The following KPNB1 variants were observed in gnomAD, a reference collection of about 807,000 sequenced individuals.
The protein encoded by KPNB1 is importin subunit beta-1.
Under a neutral mutation model 113.0 loss-of-function variants are expected in KPNB1, and 7 were observed. The ratio of observed to expected loss-of-function variants is 0.06; its 90% CI spans 0.04 to 0.12. The LOEUF is 0.12. Among genes scored for constraint, KPNB1 ranks in the 10% least tolerant of loss-of-function variants. The probability of loss-of-function intolerance (pLI) is 1.00; values close to 1 mark genes in which losing one functional copy is unlikely to be tolerated. For synonymous variants in KPNB1, 363 were observed against 378.6 expected (o/e 0.96, Z 0.48); for missense variants, 400 against 1,054.8 (o/e 0.38, Z 8.60).
Position 47,684,816 on chromosome 17 carries a change from C to T in KPNB1, c.*2412C>T, listed in dbSNP as rs2030895246. ...CTTGGTGCCTTGCAGTTACTCTGCA[C>T]TGGTTATGCATTTAATTCTCCTCTT... On this transcript the variant is annotated 3_prime_UTR_variant, in exon 22 of 22. Coordinates refer to ENST00000290158, the MANE Select transcript of KPNB1 (RefSeq NM_002265.6). 1 of 152,662 alleles carries T rather than the reference C, an allele frequency of 6.6e-6. No individual in the cohort carries two copies. Among genetic ancestry groups the T allele is most frequent in the African/African-American group, 2.4e-5 (1 of 41,428 alleles). The allele number at this position is 152,662 out of a possible 1,614,324, so 9.5% of individuals were successfully genotyped here.
At chr17:47,666,986 C>CTG (rs1271829708) in intron 9 of KPNB1, among the ~76,000 whole-genome samples, 1 of 152,164 alleles carries the variant, frequency 6.6e-6, no homozygotes, top group Non-Finnish European at 1.5e-5. Flanking sequence ...TTTTCTGAAA[C>CTG]TGCATAGGCA....
At chr17:47,677,684 A>G (rs1372240497) in intron 17 of KPNB1, among the ~76,000 whole-genome samples, 2 of 152,198 alleles carry the variant, frequency 1.3e-5, no homozygotes, top group African/African-American at 4.8e-5. Flanking sequence ...TTGACTTATG[A>G]TGGAGTTAGG....
intron 15 of KPNB1, 48 bp from the exon 16 acceptor site, chr17:47,676,359 CTG>C (rs1474764648): frequency 6.0e-6 from 8 of 1,330,128 alleles, no homozygotes; most frequent in South Asian, 1.2e-5. Context: ...CTGCCTGCCT[CTG>C]TGTTAACCCG....
chr17:47,680,887 A>G (rs540787675), intron 21 of KPNB1, among the ~76,000 whole-genome samples: 1 of 152,340 alleles, frequency 6.6e-6, no homozygotes, highest in East Asian at 1.9e-4. Context: ...ACTGGAATTC[A>G]CTGAAATTCC....
At chr17:47,670,604 A>G in intron 11 of KPNB1, 98 bp from the exon 12 acceptor site, 1 of 1,313,794 alleles carries the variant, frequency 7.6e-7, no homozygotes, top group East Asian at 2.4e-5. Context: ...AAAAGTTGGA[A>G]GTTCACTGAC....
chr17:47,676,997 A>G (rs370640483), intron 16 of KPNB1, 23 bp from the exon 17 acceptor site: 1 of 1,593,506 alleles, frequency 6.3e-7, no homozygotes, highest in East Asian at 2.2e-5. Context: ...CTGTTAGAAG[A>G]TTATTTCCTT....
intron 2 of KPNB1, 98 bp from the exon 3 acceptor site, chr17:47,652,596 C>A (rs1915611567): frequency 3.3e-6 from 3 of 908,948 alleles, no homozygotes; most frequent in Non-Finnish European, 4.7e-6. Context: ...TAGTTCCCCC[C>A]CTCGCCGCCC....
intron 14 of KPNB1, chr17:47,673,784 G>C: frequency 1.9e-6 from 1 of 536,480 alleles, no homozygotes; most frequent in South Asian, 2.4e-5. Context: ...TTTACAGATG[G>C]TCTAGATGTA....
At chr17:47,677,220 G>A in intron 17 of KPNB1, 93 bp downstream of exon 17, 1 of 1,022,602 alleles carries the variant, frequency 9.8e-7, no homozygotes, top group Admixed American at 2.0e-5. Context: ...TGGGCGCAGT[G>A]GCCTGTAATC....
intron 4 of KPNB1, 33 bp downstream of exon 4, chr17:47,657,093 A>G: frequency 6.4e-7 from 1 of 1,561,744 alleles, no homozygotes; most frequent in Non-Finnish European, 8.8e-7. Context: ...TGGTTTATAT[A>G]CCTCTGATTG....
intron 14 of KPNB1, among the ~76,000 whole-genome samples, chr17:47,674,324 T>G (rs1195798403): frequency 6.6e-6 from 1 of 152,228 alleles, no homozygotes; most frequent in Non-Finnish European, 1.5e-5. Flanking sequence ...AATTTAACTA[T>G]CATTCCAGTA....
At chr17:47,651,062 C>A in intron 2 of KPNB1, 14 of 158,840 alleles carry the variant, frequency 8.8e-5, no homozygotes, top group Non-Finnish European at 1.5e-4. Context: ...TTTTTTTTTT[C>A]TTCTGACCTG....
rs182634177 is a variant in KPNB1, at chr17:47,676,370, C to G, written c.1913-39C>G. The G allele has an allele frequency of 1.1e-5, 15 of 1,424,234 alleles. No individual in the cohort carries two copies. In the Admixed American group the frequency reaches 2.3e-4, roughly 22 times the overall value. 88.2% of individuals were successfully genotyped at this position (1,424,234 alleles called of 1,614,324 possible). ...ATTTCTGCCTGCCTCTGTGTTAACC[C>G]GTGGTGCTGTCATTGGCTAATAGCT... On this transcript the variant is annotated intron_variant, in intron 15 of 21. Coordinates refer to ENST00000290158, the MANE Select transcript of KPNB1 (RefSeq NM_002265.6).
chr17:47,683,108 AAAAAAAAAAAAC>A lies in KPNB1; in HGVS notation c.*706_*717del, dbSNP rs1270269661. The A allele has an allele frequency of 6.8e-6, 1 of 147,584 alleles. No individual in the cohort carries two copies. The highest frequency in any genetic ancestry group is 1.5e-5 in the Non-Finnish European group (1 of 66,866). 9.1% of individuals were successfully genotyped at this position (147,584 alleles called of 1,614,324 possible). ...AGAGATGTAAAAAAAAAAAAAAAAA[AAAAAAAAAAAAC>A]ACACACACAGAGGAAAGACGCTCTT... On this transcript the variant is annotated 3_prime_UTR_variant, in exon 22 of 22. Transcript: ENST00000290158.
intron 9 of KPNB1, among the ~76,000 whole-genome samples, chr17:47,665,674 G>A (rs2143129974): frequency 6.6e-6 from 1 of 152,288 alleles, no homozygotes; most frequent in African/African-American, 2.4e-5. Flanking sequence ...TTAAGATTCA[G>A]GATGAAAGTA....
intron 2 of KPNB1, 110 bp downstream of exon 2, chr17:47,650,554 G>GTCCCCCCCCCCCC (rs1915515121): frequency 1.1e-5 from 7 of 661,478 alleles, no homozygotes; most frequent in Non-Finnish European, 1.4e-5. Context: ...GCCCCATCCC[G>GTCCCCCCCCCCCC]TCCCCCTCCC....
rs2030344673 is a variant in KPNB1, at chr17:47,668,064, G to A, written c.1000-122G>A. 3 of 690,140 alleles carry A rather than the reference G, an allele frequency of 4.3e-6. No individual in the cohort carries two copies. In the South Asian group the frequency reaches 5.7e-5, roughly 13 times the overall value. The allele number at this position is 690,140 out of a possible 1,614,324, so 42.8% of individuals were successfully genotyped here. On this transcript the variant is annotated intron_variant, in intron 9 of 21. Coordinates refer to ENST00000290158, the MANE Select transcript of KPNB1 (RefSeq NM_002265.6). The stretch of plus-strand genomic sequence containing the variant: ...GTTTGTGGAAGAGACAAAATATAAA[G>A]GTCTTATATTTTATTTCCCTGGAGT...
At chr17:47,680,446 C>G in intron 20 of KPNB1, 62 bp from the exon 21 acceptor site, 1 of 1,571,780 alleles carries the variant, frequency 6.4e-7, no homozygotes. Context: ...GTTTGGAAGG[C>G]TCAAAACATT....
At chr17:47,654,684 C>T (rs963876967) in intron 3 of KPNB1, among the ~76,000 whole-genome samples, 8 of 152,074 alleles carry the variant, frequency 5.3e-5, no homozygotes, top group African/African-American at 1.2e-4. Context: ...GGTGGACATC[C>T]GTAGTTTCTA....
Sources: allele counts gnomAD v4.1 joint callset (sites outside exome capture counted in the v4.1 genomes callset), GRCh38; gene constraint gnomAD v4.1.1; transcripts MANE v1.5; gene names NCBI Gene and HGNC (gene_info 2026-07-23, HGNC 2026-07-21).